Variants in ADCY2 observed in about 807,000 individuals in gnomAD.
The protein encoded by ADCY2 is adenylate cyclase type 2.
A neutral mutation model predicts 125.2 loss-of-function variants in ADCY2; 31 were observed. The observed-to-expected ratio is 0.25, with a 90% CI of 0.19 to 0.33. ADCY2 has a LOEUF of 0.33. ADCY2 is among the 10% of genes least tolerant of loss of function. ADCY2 has a pLI of 1.00. For synonymous variants in ADCY2, 512 were observed against 548.4 expected, an observed-to-expected ratio of 0.93 and a Z score of 0.93; for missense variants, 904 against 1,418.2, an observed-to-expected ratio of 0.64 and a Z score of 5.82.
intron 18 of ADCY2, among the ~76,000 whole-genome samples, chr5:7,775,207 G>A (rs1414608781): frequency 6.6e-6 from 1 of 150,920 alleles, no homozygotes; most frequent in African/African-American, 2.5e-5. Flanking sequence ...GTGTGTGTGT[G>A]TGTATGCACA....
At chr5:7,727,138 C>CTCACAGGT in intron 13 of ADCY2, 26 bp from the exon 14 acceptor site, 1 of 1,576,324 alleles carries the variant, frequency 6.3e-7, no homozygotes, top group African/African-American at 1.3e-5. Context: ...AGAACTGTCA[C>CTCACAGGT]TCACAGGTTC....
At chr5:7,698,198 A>G (rs1273185474) in intron 6 of ADCY2, 49 bp from the exon 7 acceptor site, 3 of 1,609,740 alleles carry the variant, frequency 1.9e-6, no homozygotes, top group Non-Finnish European at 2.5e-6. Context: ...AATCTAGATC[A>G]TTCTGCAAGT....
chr5:7,620,056 G>A (rs1452436166), intron 3 of ADCY2, among the ~76,000 whole-genome samples: 1 of 152,130 alleles, frequency 6.6e-6, no homozygotes, highest in African/African-American at 2.4e-5. Flanking sequence ...AGTTGCTGGA[G>A]CAGTTCTGAG....
chr5:7,408,911 T>C (rs930937974), intron 1 of ADCY2, among the ~76,000 whole-genome samples: 2 of 152,116 alleles, frequency 1.3e-5, no homozygotes, highest in African/African-American at 4.8e-5. Context: ...ATCATTCTAT[T>C]ATAAAGACAC....
At chr5:7,633,515 T>A (rs1738395456) in intron 4 of ADCY2, among the ~76,000 whole-genome samples, 1 of 152,150 alleles carries the variant, frequency 6.6e-6, no homozygotes, top group Non-Finnish European at 1.5e-5. Flanking sequence ...AGCAATTAAT[T>A]AAGCAGAGAT....
intron 2 of ADCY2, among the ~76,000 whole-genome samples, chr5:7,505,107 C>T (rs1472112363): frequency 6.6e-6 from 1 of 152,034 alleles, no homozygotes; most frequent in Non-Finnish European, 1.5e-5. Flanking sequence ...TGGTCTCGAA[C>T]TCCTGGGCTC....
At chr5:7,715,296 T>A (rs1741561915) in intron 11 of ADCY2, among the ~76,000 whole-genome samples, 1 of 152,224 alleles carries the variant, frequency 6.6e-6, no homozygotes, top group Non-Finnish European at 1.5e-5. Context: ...AATCAAATCC[T>A]AAAACAGGTT....
intron 22 of ADCY2, among the ~76,000 whole-genome samples, chr5:7,813,593 A>G (rs2126534052): frequency 6.6e-6 from 1 of 152,240 alleles, no homozygotes; most frequent in East Asian, 1.9e-4. Flanking sequence ...GCCATCAGGT[A>G]TTTATCGAGA....
chr5:7,823,518 C>A (rs1387343513), intron 24 of ADCY2, among the ~76,000 whole-genome samples: 3 of 152,182 alleles, frequency 2.0e-5, no homozygotes, highest in Non-Finnish European at 2.9e-5. Flanking sequence ...CCGGGACTTT[C>A]TGCATAAACA....
intron 4 of ADCY2, 100 bp downstream of exon 4, chr5:7,626,416 A>G: frequency 2.2e-6 from 3 of 1,363,366 alleles, no homozygotes; most frequent in Admixed American, 2.2e-5. Context: ...CATGAGCTTC[A>G]GAAAAATCAG....
At chr5:7,541,879 C>G (rs1435184208) in intron 3 of ADCY2, among the ~76,000 whole-genome samples, 1 of 152,012 alleles carries the variant, frequency 6.6e-6, no homozygotes, top group Non-Finnish European at 1.5e-5. Context: ...AACTGAAGAG[C>G]CTCTATCATA....
chr5:7,499,009 T>TTTG (rs752372599), intron 2 of ADCY2, among the ~76,000 whole-genome samples: 31 of 152,162 alleles, frequency 2.0e-4, no homozygotes, highest in African/African-American at 6.7e-4. Context: ...CAGAGAGTGT[T>TTTG]TTGTTGTTGT....
At chr5:7,649,052 T>G (rs891978911) in intron 4 of ADCY2, among the ~76,000 whole-genome samples, 5 of 152,226 alleles carry the variant, frequency 3.3e-5, no homozygotes, top group Admixed American at 2.6e-4. Context: ...ATAGCCTCAC[T>G]AAAAGAATTT....
chr5:7,755,648 A>G (rs1039593445), intron 15 of ADCY2, among the ~76,000 whole-genome samples: 2 of 152,184 alleles, frequency 1.3e-5, no homozygotes, highest in African/African-American at 4.8e-5. Flanking sequence ...TCAGAGAGGA[A>G]GAAACTGGGA....
At position 7,626,119 on chromosome 5, in the gene ADCY2, C is replaced by G. The variant is rs558330322; in HGVS notation, c.571-48C>G. On this transcript the variant is annotated intron_variant, in intron 3 of 24. Transcript: ENST00000338316. ...GTGCACTTTGTTTTGATTGTATTCA[C>G]AAGTGAGAAACAGTTACCCTATTGA... The G allele has an allele frequency of 1.9e-6, 3 of 1,575,208 alleles. No homozygotes were observed. The African/African-American group carries it at 4.1e-5, about 22-fold the overall frequency.
At chr5:7,822,897 C>G (rs1406712790) in intron 24 of ADCY2, among the ~76,000 whole-genome samples, 4 of 152,134 alleles carry the variant, frequency 2.6e-5, no homozygotes, top group Non-Finnish European at 5.9e-5. Flanking sequence ...CATGGTGGTC[C>G]TCTGGGCTTT....
intron 10 of ADCY2, among the ~76,000 whole-genome samples, chr5:7,712,115 T>A (rs1255157748): frequency 1.3e-5 from 2 of 152,214 alleles, no homozygotes; most frequent in Non-Finnish European, 2.9e-5. Flanking sequence ...AAAAAATCTT[T>A]CCTTTCCGTA....
chr5:7,526,595 A>T (rs987256362), intron 3 of ADCY2, among the ~76,000 whole-genome samples: 1 of 152,188 alleles, frequency 6.6e-6, no homozygotes, highest in Non-Finnish European at 1.5e-5. Flanking sequence ...AATATGTGCA[A>T]CTATTATATA....
intron 1 of ADCY2, among the ~76,000 whole-genome samples, chr5:7,412,375 T>C (rs981149714): frequency 6.6e-6 from 1 of 152,186 alleles, no homozygotes; most frequent in African/African-American, 2.4e-5. Flanking sequence ...TCAGTGAGGC[T>C]CATTTGGGGA....
Sources: allele counts gnomAD v4.1 joint callset (sites outside exome capture counted in the v4.1 genomes callset), GRCh38; gene constraint gnomAD v4.1.1; transcripts MANE v1.5; gene names NCBI Gene and HGNC (gene_info 2026-07-23, HGNC 2026-07-21).